Variants in CISD1 observed in about 807,000 individuals in gnomAD.
The protein encoded by CISD1 is CDGSH iron-sulfur domain-containing protein 1.
CISD1 carries 8 observed loss-of-function variants against 12.0 expected under a neutral mutation model. That is an observed-to-expected ratio of 0.67 (90% CI 0.39 to 1.20). The LOEUF is 1.20. Ranked by LOEUF, CISD1 falls within the 50% of genes most tolerant of loss-of-function variation. The pLI, the probability that CISD1 is intolerant of heterozygous loss-of-function variation, is 0.01. For synonymous variants in CISD1, 38 were observed against 42.2 expected (o/e 0.90, Z 0.39); for missense variants, 107 against 132.7 (o/e 0.81, Z 0.95).
intron 1 of CISD1, among the ~76,000 whole-genome samples, chr10:58,270,017 C>T (rs1472889365): frequency 6.6e-6 from 1 of 152,156 alleles, no homozygotes; most frequent in Non-Finnish European, 1.5e-5. Context: ...TGGAGTTTCA[C>T]TTTATAACCA....
chr10:58,286,378 G>GT (rs1491422244), intron 2 of CISD1, among the ~76,000 whole-genome samples: 1 of 152,066 alleles, frequency 6.6e-6, no homozygotes, highest in African/African-American at 2.4e-5. Flanking sequence ...ACGAATAAAG[G>GT]TAATAATGTG....
intron 2 of CISD1, among the ~76,000 whole-genome samples, chr10:58,285,442 A>T (rs1478267322): frequency 1.3e-5 from 2 of 152,196 alleles, no homozygotes; most frequent in Non-Finnish European, 2.9e-5. Context: ...TAAGGCTAAG[A>T]ATCCTCTTAC....
chr10:58,278,082 AAAC>A (rs1839335363), intron 2 of CISD1, among the ~76,000 whole-genome samples: 1 of 152,176 alleles, frequency 6.6e-6, no homozygotes, highest in Non-Finnish European at 1.5e-5. Flanking sequence ...GTCATCTATG[AAAC>A]CTGCAGGTTT....
At chr10:58,286,377 GGT>G (rs1491095106) in intron 2 of CISD1, among the ~76,000 whole-genome samples, 6 of 152,148 alleles carry the variant, frequency 3.9e-5, no homozygotes, top group Admixed American at 3.9e-4. Context: ...TACGAATAAA[GGT>G]AATAATGTGG....
At chr10:58,281,165 A>G (rs1398775051) in intron 2 of CISD1, among the ~76,000 whole-genome samples, 2 of 152,250 alleles carry the variant, frequency 1.3e-5, no homozygotes, top group Non-Finnish European at 2.9e-5. Flanking sequence ...TATTTCAGGA[A>G]GAATCACCAG....
chr10:58,282,954 A>G (rs1839388868), intron 2 of CISD1: 1 of 152,346 alleles, frequency 6.6e-6, no homozygotes, highest in East Asian at 1.9e-4. Flanking sequence ...CAGTTCAAAC[A>G]AGGACAGCAA....
chr10:58,273,272 C>T (rs935220605), intron 1 of CISD1: 58 of 151,854 alleles, frequency 3.8e-4, no homozygotes, highest in Admixed American at 3.5e-3. Context: ...TCTTTTGACT[C>T]AACCAACATT....
In CISD1 at chr10:58,289,240, A is replaced by C. The variant is rs1334913665; in HGVS notation, c.*1590A>C. ...TTAAAGATGAACTGTTTTAAAGAAA[A>C]ATAAATGCATCAACTCCCAGTGTTT... On this transcript the variant is annotated 3_prime_UTR_variant, in exon 3 of 3. Transcript: ENST00000333926. 1.3e-5 allele frequency: 2 copies of C among 152,228 alleles called. No individual in the cohort carries two copies. The highest frequency in any genetic ancestry group is 2.4e-5 in the African/African-American group (1 of 41,444). 9.4% of individuals were successfully genotyped at this position (152,228 alleles called of 1,614,324 possible). A position where few individuals can be genotyped will look rare whatever the true frequency, so the allele number is the denominator to read the frequency against.
At position 58,269,293 on chromosome 10, in the gene CISD1, C is replaced by G. The variant is rs1466166694; in HGVS notation, c.20C>G (p.Ser7Cys). ...GGCGCCATGAGTCTGACTTCCAGTTCCAGCGTACGAGGTGAAGTGGGGCCT... is the reference window on the plus strand; with the variant it reads ...GGCGCCATGAGTCTGACTTCCAGTTGCAGCGTACGAGGTGAAGTGGGGCCT... MSLTSS[S>C]SVRVEWIAAV... The change falls in exon 1 of 3, where the codon TCC becomes TGC. Residue 7 changes from serine to cysteine, a missense_variant. Coordinates refer to ENST00000333926, the MANE Select transcript of CISD1 (RefSeq NM_018464.5). The G allele has an allele frequency of 2.5e-6, 4 of 1,608,938 alleles. No homozygotes were observed. In the African/African-American group the frequency reaches 5.3e-5, roughly 21 times the overall value.
chr10:58,282,154 G>T (rs2790186), intron 2 of CISD1, among the ~76,000 whole-genome samples: 51,436 of 151,920 alleles, frequency 0.34, 10,951 homozygotes, highest in African/African-American at 0.61. Context: ...TAGAGACAGG[G>T]TTTCACCATG....
chr10:58,287,663 G>T lies in CISD1; in HGVS notation c.*13G>T. 2 of 1,560,978 alleles carry T rather than the reference G, an allele frequency of 1.3e-6. No homozygotes were observed. Among genetic ancestry groups the T allele is most frequent in the Non-Finnish European group, 1.8e-6 (2 of 1,139,170 alleles). ...AAAAGAAACTTAAATGGACACTTTTGATGCTGCAAATCAGCTTGTCGTGAA... is the reference window on the plus strand; with the variant it reads ...AAAAGAAACTTAAATGGACACTTTTTATGCTGCAAATCAGCTTGTCGTGAA... On this transcript the variant is annotated 3_prime_UTR_variant, in exon 3 of 3. Transcript: ENST00000333926.
In CISD1 at chr10:58,289,053, C is replaced by A. The variant is rs147842940; in HGVS notation, c.*1403C>A. The A allele has an allele frequency of 1.2e-4, 18 of 152,226 alleles. No individual in the cohort carries two copies. The highest frequency in any genetic ancestry group is 3.4e-3 in the Middle Eastern group (1 of 294). 9.4% of individuals were successfully genotyped at this position (152,226 alleles called of 1,614,324 possible). A position where few individuals can be genotyped will look rare whatever the true frequency, so the allele number is the denominator to read the frequency against. Reference sequence around the variant, plus strand: ...AAAATTGTACAGTGGTTTTAAGAAGCCCATGTAACTAACTTGGACATGTCT... The same window carrying A: ...AAAATTGTACAGTGGTTTTAAGAAGACCATGTAACTAACTTGGACATGTCT... On this transcript the variant is annotated 3_prime_UTR_variant, in exon 3 of 3. Coordinates refer to ENST00000333926, the MANE Select transcript of CISD1 (RefSeq NM_018464.5).
At chr10:58,276,619 A>T (rs73301042) in intron 1 of CISD1, among the ~76,000 whole-genome samples, 2,385 of 151,908 alleles carry the variant, frequency 0.016, 63 homozygotes, top group African/African-American at 0.055. Context: ...TGATAGTTGC[A>T]ATTGAGTTTT....
At position 58,288,373 on chromosome 10, in the gene CISD1, C is replaced by A. The variant is rs557449461; in HGVS notation, c.*723C>A. 1 of 152,224 alleles carries A rather than the reference C, an allele frequency of 6.6e-6. No homozygotes were observed. Among genetic ancestry groups the A allele is most frequent in the Non-Finnish European group, 1.5e-5 (1 of 67,982 alleles). The allele number at this position is 152,224 out of a possible 1,614,324, so 9.4% of individuals were successfully genotyped here. On this transcript the variant is annotated 3_prime_UTR_variant, in exon 3 of 3. Coordinates refer to ENST00000333926, the MANE Select transcript of CISD1 (RefSeq NM_018464.5). Reference sequence around the variant, plus strand: ...TTAGTCATGAAGAATGTCTTAAAATCTAATGTTCCAGAATTCTGGCCCAAG... The same window carrying A: ...TTAGTCATGAAGAATGTCTTAAAATATAATGTTCCAGAATTCTGGCCCAAG...
chr10:58,271,256 GC>G (rs68112355), intron 1 of CISD1, among the ~76,000 whole-genome samples: 151,319 of 151,324 alleles, frequency 1, 75,657 homozygotes, highest in Non-Finnish European at 1. Flanking sequence ...AGCCGGGATG[GC>G]TCTCGATCTC....
intron 1 of CISD1, among the ~76,000 whole-genome samples, chr10:58,274,897 G>A (rs1485443874): frequency 6.6e-6 from 1 of 152,154 alleles, no homozygotes; most frequent in Non-Finnish European, 1.5e-5. Context: ...TTAATGACTA[G>A]GAGAGATTAT....
chr10:58,269,414 CCTTGAGATGCAGAAGGGCAAGCGCT>C, intron 1 of CISD1, 110 bp downstream of exon 1: 2 of 986,792 alleles, frequency 2.0e-6, no homozygotes, highest in Non-Finnish European at 3.0e-6. Context: ...GGTCCTATAA[CCTTGAGATGCAGAAGGGCAAGCGCT>C]CGGCCCGGCT....
chr10:58,287,581 T>G lies in CISD1; in HGVS notation c.258T>G (p.Ala86=), dbSNP rs1244308831. The change falls in exon 3 of 3, where the codon GCT becomes GCG. Residue 86 remains alanine, a synonymous_variant. Coordinates refer to ENST00000333926, the MANE Select transcript of CISD1 (RefSeq NM_018464.5). ...CCTAGTTCCCATTCTGTGATGGGGC[T>G]CACACAAAACATAACGAAGAGACTG... is the stretch of plus-strand genomic sequence containing the variant. The part of the protein sequence containing the change: ...RSKKFPFCDG[A]HTKHNEETGD... The G allele has an allele frequency of 1.9e-6, 3 of 1,609,760 alleles. No homozygotes were observed. The East Asian group carries it at 6.7e-5, about 36-fold the overall frequency.
chr10:58,275,017 C>G (rs571338008), intron 1 of CISD1, among the ~76,000 whole-genome samples: 1 of 152,284 alleles, frequency 6.6e-6, no homozygotes, highest in South Asian at 2.1e-4. Context: ...GATCTCAGGA[C>G]TGTTTGCAAT....
Sources: allele counts gnomAD v4.1 joint callset (sites outside exome capture counted in the v4.1 genomes callset), GRCh38; gene constraint gnomAD v4.1.1; transcripts MANE v1.5; gene names NCBI Gene and HGNC (gene_info 2026-07-23, HGNC 2026-07-21).